Variants in RADX observed in about 807,000 individuals in gnomAD.
RADX encodes RPA1 related single stranded DNA binding protein, X-linked.
RADX carries 36 observed loss-of-function variants against 61.6 expected under a neutral mutation model. The observed-to-expected ratio is 0.58, with a 90% confidence interval of 0.45 to 0.77. RADX has a LOEUF of 0.77. Among genes scored for constraint, RADX ranks in the 30% least tolerant of loss-of-function variants. The probability of loss-of-function intolerance (pLI) is 0.00; values close to 1 mark genes in which losing one functional copy is unlikely to be tolerated. For missense variants in RADX, 497 were observed against 651.1 expected (o/e 0.76, Z 2.58); for synonymous variants, 272 against 237.9 (o/e 1.14, Z -1.32).
intron 4 of RADX, 42 bp from the exon 5 acceptor site, chrX:106,632,890 G>T: frequency 1.8e-6 from 2 of 1,088,398 alleles, no homozygotes. Context: ...CTTTTTCACT[G>T]TTTAAAAATA....
At chrX:106,625,012 C>A in intron 2 of RADX, 78 bp from the exon 3 acceptor site, 1 of 584,973 alleles carries the variant, frequency 1.7e-6, no homozygotes, top group Non-Finnish European at 2.5e-6. Context: ...TCTAAATGAT[C>A]ACAAATAATA....
intron 1 of RADX, among the ~76,000 whole-genome samples, chrX:106,619,271 C>T (rs375286347): frequency 5.4e-5 from 6 of 111,420 alleles, no homozygotes; most frequent in African/African-American, 2.0e-4. Context: ...ATATAATACA[C>T]CCCTACTGAA....
intron 11 of RADX, among the ~76,000 whole-genome samples, chrX:106,650,185 G>A (rs947764915): frequency 1.8e-5 from 2 of 111,089 alleles, no homozygotes; most frequent in African/African-American, 6.5e-5. Flanking sequence ...TGGGCAATGG[G>A]TAAGAAAAAG....
chrX:106,626,851 A>G (rs971422798), intron 3 of RADX, among the ~76,000 whole-genome samples: 1 of 111,203 alleles, frequency 9.0e-6, no homozygotes, highest in Admixed American at 9.6e-5. Context: ...TATATTTTTG[A>G]TAAGTAACAG....
intron 13 of RADX, among the ~76,000 whole-genome samples, chrX:106,674,040 G>A (rs893561395): frequency 8.1e-5 from 9 of 110,938 alleles, no homozygotes; most frequent in East Asian, 2.9e-4. Context: ...CGGGGTGGGG[G>A]GTGGTATTGG....
chrX:106,633,136 G>C lies in RADX; in HGVS notation c.1187G>C (p.Arg396Pro). Reference protein sequence around the residue: ...RVQRSKKKENREDFWSYRWIH... With the variant: ...RVQRSKKKENPEDFWSYRWIH... Reference sequence around the variant, plus strand: ...TAATATTCTATCCATATAGAAAACCGTGAAGATTTTTGGTCATATCGCTGG... The same window carrying C: ...TAATATTCTATCCATATAGAAAACCCTGAAGATTTTTGGTCATATCGCTGG... Residue 396 changes from arginine to proline, a missense_variant, in exon 6 of 14, where the codon CGT becomes CCT. Transcript: ENST00000372548. 1.2e-5 allele frequency: 14 copies of C among 1,201,841 alleles called. No homozygotes were observed. Among genetic ancestry groups the C allele is most frequent in the Non-Finnish European group, 1.6e-5 (14 of 887,166 alleles).
chrX:106,634,286 C>T (rs1242926350), intron 6 of RADX, among the ~76,000 whole-genome samples: 1 of 111,026 alleles, frequency 9.0e-6, no homozygotes, highest in Non-Finnish European at 1.9e-5. Context: ...TAGGAGCACA[C>T]CACCATGCCT....
chrX:106,675,060 A>G (rs930327401), intron 13 of RADX, among the ~76,000 whole-genome samples: 13 of 110,443 alleles, frequency 1.2e-4, no homozygotes, highest in Non-Finnish European at 1.7e-4. Context: ...ATCCAGCTTC[A>G]TATTTTTTTC....
At chrX:106,652,960 TG>T (rs1381047382) in intron 11 of RADX, among the ~76,000 whole-genome samples, 2 of 91,976 alleles carry the variant, frequency 2.2e-5, no homozygotes, top group Admixed American at 2.5e-4. Flanking sequence ...CACTCTAGCC[TG>T]GGTGACAGAG....
At chrX:106,624,611 A>G (rs751070311) in intron 2 of RADX, among the ~76,000 whole-genome samples, 2 of 111,796 alleles carry the variant, frequency 1.8e-5, no homozygotes, top group Non-Finnish European at 3.8e-5. Flanking sequence ...AGCAAGTCCT[A>G]TATATATTTT....
At chrX:106,676,286 A>G (rs973841742) in intron 13 of RADX, among the ~76,000 whole-genome samples, 2 of 112,466 alleles carry the variant, frequency 1.8e-5, no homozygotes, top group Admixed American at 9.4e-5. Flanking sequence ...TGATAAGTCT[A>G]GCAGAGATGG....
intron 13 of RADX, among the ~76,000 whole-genome samples, chrX:106,674,130 C>G (rs1928443008): frequency 1.8e-5 from 2 of 110,922 alleles, no homozygotes; most frequent in Non-Finnish European, 3.8e-5. Context: ...TGAGTGCTCA[C>G]CCGACTTTTG....
chrX:106,645,042 A>G (rs1444848066), intron 10 of RADX, among the ~76,000 whole-genome samples: 1 of 110,946 alleles, frequency 9.0e-6, no homozygotes, highest in Non-Finnish European at 1.9e-5. Flanking sequence ...TAAATTTTCC[A>G]TTTTATTGTC....
At chrX:106,645,589 A>G (rs1927636540) in intron 10 of RADX, among the ~76,000 whole-genome samples, 1 of 111,341 alleles carries the variant, frequency 9.0e-6, no homozygotes, top group Non-Finnish European at 1.9e-5. Context: ...ACTAATTTCT[A>G]GTTTTACTCC....
intron 8 of RADX, chrX:106,639,302 G>A (rs1304775608): frequency 1.0e-5 from 3 of 292,654 alleles, no homozygotes; most frequent in Non-Finnish European, 1.8e-5. Context: ...AATTTATTTT[G>A]CAAATGAGGG....
rs764825632 is a variant in RADX at position 106,662,236 on chromosome X, G to T, written c.2200G>T (p.Gly734Ter). Reference protein sequence around the residue: ...SQPAKYVPPEGRPPKLDDFKS... With the variant: ...SQPAKYVPPE ...GCCTGCGAAATATGTACCACCAGAAGGAAGGCCCCCAAAACTTGATGATTT... is the reference window on the plus strand; with the variant it reads ...GCCTGCGAAATATGTACCACCAGAATGAAGGCCCCCAAAACTTGATGATTT... The change falls in exon 12 of 14, where the codon GGA (glycine) becomes TGA (stop). Residue 734 changes from glycine to a stop codon, truncating the protein, a stop_gained. Coordinates refer to ENST00000372548, the MANE Select transcript of RADX (RefSeq NM_018015.6). LOFTEE classifies it high-confidence loss of function. 8.3e-7 allele frequency: 1 copy of T among 1,210,872 alleles called. No homozygotes were observed. Among genetic ancestry groups the T allele is most frequent in the South Asian group, 1.8e-5 (1 of 56,930 alleles).
intron 11 of RADX, among the ~76,000 whole-genome samples, chrX:106,657,326 ATTG>A (rs1272113513): frequency 8.9e-6 from 1 of 112,362 alleles, no homozygotes; most frequent in East Asian, 2.8e-4. Context: ...CTTAGGGAAT[ATTG>A]TTGTGGCTAG....
chrX:106,666,475 T>C (rs1349589233), intron 12 of RADX, among the ~76,000 whole-genome samples: 1 of 111,950 alleles, frequency 8.9e-6, no homozygotes, highest in Non-Finnish European at 1.9e-5. Context: ...ACTCAGCTAA[T>C]CTTTCAAAAA....
chrX:106,627,918 C>A (rs1467100264), intron 3 of RADX, among the ~76,000 whole-genome samples: 1 of 111,830 alleles, frequency 8.9e-6, no homozygotes, highest in African/African-American at 3.3e-5. Flanking sequence ...TCACTGCAAC[C>A]TCCACCTCCT....
Sources: allele counts gnomAD v4.1 joint callset (sites outside exome capture counted in the v4.1 genomes callset), GRCh38; gene constraint gnomAD v4.1.1; transcripts MANE v1.5; gene names NCBI Gene and HGNC (gene_info 2026-07-23, HGNC 2026-07-21).